The following ZCCHC7 variants were observed in gnomAD, a reference collection of about 807,000 sequenced individuals.
ZCCHC7 encodes zinc finger CCHC-type containing 7, also known as zinc finger CCHC domain-containing protein 7.
In ZCCHC7, 35 loss-of-function variants were observed where a neutral mutation model predicts 52.0. That is an observed-to-expected ratio of 0.67 (90% CI 0.51 to 0.89). The LOEUF is 0.89. ZCCHC7 is among the 40% of genes least tolerant of loss of function. The probability of loss-of-function intolerance (pLI) is 0.00; values close to 1 mark genes in which losing one functional copy is unlikely to be tolerated. For missense variants in ZCCHC7, 574 were observed against 649.1 expected, an observed-to-expected ratio of 0.88 and a Z score of 1.26; for synonymous variants, 217 against 221.5, an observed-to-expected ratio of 0.98 and a Z score of 0.18.
At chr9:37,291,291 A>AT (rs1476010332) in intron 2 of ZCCHC7, among the ~76,000 whole-genome samples, 1 of 152,072 alleles carries the variant, frequency 6.6e-6, no homozygotes, top group Non-Finnish European at 1.5e-5. Flanking sequence ...TCAGACTACG[A>AT]TTTTTCAGTG....
At chr9:37,199,571 G>A (rs573987324) in intron 2 of ZCCHC7, among the ~76,000 whole-genome samples, 125 of 151,918 alleles carry the variant, frequency 8.2e-4, no homozygotes, top group Middle Eastern at 6.8e-3. Context: ...GACTTCAGGT[G>A]ATCCACCTGC....
chr9:37,193,262 G>A (rs1382516902), intron 2 of ZCCHC7, among the ~76,000 whole-genome samples: 2 of 152,112 alleles, frequency 1.3e-5, no homozygotes, highest in East Asian at 3.9e-4. Flanking sequence ...GTTTTAATAA[G>A]CAATTATTAG....
At chr9:37,282,435 T>C (rs1828003706) in intron 2 of ZCCHC7, among the ~76,000 whole-genome samples, 1 of 151,812 alleles carries the variant, frequency 6.6e-6, no homozygotes, top group African/African-American at 2.4e-5. Flanking sequence ...AAACCCCGTC[T>C]CTACTAAAAA....
At chr9:37,214,542 T>C (rs1420537386) in intron 2 of ZCCHC7, among the ~76,000 whole-genome samples, 2 of 152,100 alleles carry the variant, frequency 1.3e-5, no homozygotes, top group African/African-American at 4.8e-5. Flanking sequence ...TGTCGTGTTG[T>C]TTCTCATCAC....
At chr9:37,133,904 A>G (rs984993576) in intron 2 of ZCCHC7, among the ~76,000 whole-genome samples, 3 of 151,908 alleles carry the variant, frequency 2.0e-5, no homozygotes, top group African/African-American at 7.3e-5. Context: ...TTGTATTTTT[A>G]GTAGAGTTGG....
intron 5 of ZCCHC7, among the ~76,000 whole-genome samples, chr9:37,320,014 A>G (rs569783815): frequency 3.3e-5 from 5 of 152,290 alleles, no homozygotes; most frequent in Admixed American, 1.3e-4. Context: ...CCAATGCCAT[A>G]TGGTCTTGAT....
At chr9:37,169,100 C>A (rs1238208960) in intron 2 of ZCCHC7, among the ~76,000 whole-genome samples, 1 of 152,096 alleles carries the variant, frequency 6.6e-6, no homozygotes, top group African/African-American at 2.4e-5. Flanking sequence ...TTAACCTTCC[C>A]AGTAAATGAA....
At chr9:37,313,252 G>A (rs541760016) in intron 5 of ZCCHC7, among the ~76,000 whole-genome samples, 1 of 152,234 alleles carries the variant, frequency 6.6e-6, no homozygotes, top group South Asian at 2.1e-4. Context: ...TGTTGTATAG[G>A]CTTACCAAAT....
intron 5 of ZCCHC7, among the ~76,000 whole-genome samples, chr9:37,314,899 T>A (rs1829747504): frequency 6.6e-6 from 1 of 152,110 alleles, no homozygotes; most frequent in Non-Finnish European, 1.5e-5. Context: ...CTTATAGGGA[T>A]CTGTTTGCCA....
At chr9:37,166,224 G>A (rs1205764857) in intron 2 of ZCCHC7, among the ~76,000 whole-genome samples, 6 of 151,938 alleles carry the variant, frequency 3.9e-5, no homozygotes, top group Non-Finnish European at 8.8e-5. Flanking sequence ...GTGAAACCCC[G>A]TCTCTACTAA....
intron 2 of ZCCHC7, among the ~76,000 whole-genome samples, chr9:37,225,660 G>A (rs1474169869): frequency 2.6e-5 from 4 of 152,180 alleles, no homozygotes; most frequent in African/African-American, 7.2e-5. Context: ...ATTATTTACT[G>A]TATTAACAGA....
At chr9:37,192,968 G>A (rs1028781749) in intron 2 of ZCCHC7, among the ~76,000 whole-genome samples, 2 of 152,162 alleles carry the variant, frequency 1.3e-5, no homozygotes, top group Non-Finnish European at 2.9e-5. Flanking sequence ...TTGGGCTAAA[G>A]AATTAATCCA....
At chr9:37,337,413 C>T (rs1302241813) in intron 6 of ZCCHC7, among the ~76,000 whole-genome samples, 1 of 121,382 alleles carries the variant, frequency 8.2e-6, no homozygotes, top group Non-Finnish European at 1.7e-5. Flanking sequence ...CCCCCCCCCC[C>T]CCAAAAAAAA....
At chr9:37,120,171 T>G (rs1216571775), upstream of ZCCHC7, among the ~76,000 whole-genome samples, 1 of 151,634 alleles carries the variant, frequency 6.6e-6, no homozygotes, top group East Asian at 1.9e-4. Flanking sequence ...TGAGAAGGCG[T>G]CCACCGAGCG....
chr9:37,161,370 C>G (rs555690310), intron 2 of ZCCHC7, among the ~76,000 whole-genome samples: 1 of 152,022 alleles, frequency 6.6e-6, no homozygotes, highest in African/African-American at 2.4e-5. Flanking sequence ...GTTAGGAGAT[C>G]GAGACCATCC....
chr9:37,265,225 C>G lies in ZCCHC7; in HGVS notation c.611-36963C>G, dbSNP rs565595530. Among the ~76,000 whole-genome samples, 88 of 152,244 alleles carry G rather than the reference C, an allele frequency of 5.8e-4. 1 individual carries two copies. In the South Asian group the frequency reaches 0.018, roughly 30 times the overall value. The stretch of plus-strand genomic sequence containing the variant: ...TGAATCCTTTTACATTTGCCTTCTC[C>G]TTTTTCATGCTTTCAGTTTAAATAA... On this transcript the variant is annotated intron_variant, in intron 2 of 8. Coordinates refer to ENST00000336755, the MANE Select transcript of ZCCHC7 (RefSeq NM_032226.3).
At chr9:37,230,626 A>G (rs1046550309) in intron 2 of ZCCHC7, among the ~76,000 whole-genome samples, 11 of 152,038 alleles carry the variant, frequency 7.2e-5, no homozygotes, top group Admixed American at 2.0e-4. Context: ...TTTTCTACTC[A>G]ATATTTTTTC....
chr9:37,289,540 T>TA (rs1235708852), intron 2 of ZCCHC7, among the ~76,000 whole-genome samples: 1 of 152,208 alleles, frequency 6.6e-6, no homozygotes, highest in Non-Finnish European at 1.5e-5. Context: ...GCATACCCAC[T>TA]ACTCCACCCT....
intron 2 of ZCCHC7, among the ~76,000 whole-genome samples, chr9:37,269,642 A>AC (rs1564214548): frequency 6.7e-6 from 1 of 148,836 alleles, no homozygotes; most frequent in African/African-American, 2.5e-5. Context: ...AAAAAAAAAA[A>AC]AAAACAAAAG....
Sources: allele counts gnomAD v4.1 joint callset (sites outside exome capture counted in the v4.1 genomes callset), GRCh38; gene constraint gnomAD v4.1.1; transcripts MANE v1.5; gene names NCBI Gene and HGNC (gene_info 2026-07-23, HGNC 2026-07-21).